Variants in NELL1 observed in about 807,000 individuals in gnomAD.
NELL1 encodes the protein neural EGFL like 1, also known as protein kinase C-binding protein NELL1.
Under a neutral mutation model 107.4 loss-of-function variants are expected in NELL1, and 76 were observed. The observed-to-expected ratio is 0.71, with a 90% CI of 0.59 to 0.86. The LOEUF (loss-of-function observed/expected upper bound fraction) is 0.86. Among genes scored for constraint, NELL1 ranks in the 40% least tolerant of loss-of-function variants. The probability of loss-of-function intolerance (pLI) is 0.00; values close to 1 mark genes in which losing one functional copy is unlikely to be tolerated. For synonymous variants in NELL1, 353 were observed against 341.2 expected (o/e 1.03, Z -0.38); for missense variants, 1,024 against 1,005.5 (o/e 1.02, Z -0.25).
At chr11:21,242,679 A>G (rs1319230813) in intron 14 of NELL1, among the ~76,000 whole-genome samples, 2 of 150,190 alleles carry the variant, frequency 1.3e-5, no homozygotes, top group Admixed American at 1.3e-4. Flanking sequence ...GAATATCCAG[A>G]GTTTAAATAA....
intron 12 of NELL1, among the ~76,000 whole-genome samples, chr11:21,050,975 C>A (rs1344568133): frequency 6.6e-6 from 1 of 152,114 alleles, no homozygotes; most frequent in African/African-American, 2.4e-5. Flanking sequence ...GGGTCAGGAG[C>A]CTCATATAGA....
chr11:20,891,130 C>A (rs1266011024), intron 5 of NELL1, among the ~76,000 whole-genome samples: 2 of 152,176 alleles, frequency 1.3e-5, no homozygotes, highest in East Asian at 3.9e-4. Flanking sequence ...AAGTCACCTA[C>A]AAAGGGAAGC....
intron 11 of NELL1, among the ~76,000 whole-genome samples, chr11:20,959,655 A>G (rs1052865808): frequency 6.6e-6 from 1 of 152,166 alleles, no homozygotes; most frequent in African/African-American, 2.4e-5. Context: ...CATAGACTTT[A>G]GGAATTTAGG....
rs1857201447 is a variant in NELL1, at chr11:21,575,643, T to C, written c.*621T>C. 6.6e-6 allele frequency: 1 copy of C among 151,738 alleles called. No homozygotes were observed. Among genetic ancestry groups the C allele is most frequent in the South Asian group, 2.1e-4 (1 of 4,816 alleles). The allele number at this position is 151,738 out of a possible 1,614,324, so 9.4% of individuals were successfully genotyped here. A position where few individuals can be genotyped will look rare whatever the true frequency, so the allele number is the denominator to read the frequency against. ...AAGAGGGGAAGGGCCAAAAACATAA[T>C]CAAAGAATAATTTTAAAGAGAATTC... is the stretch of plus-strand genomic sequence containing the variant. On this transcript the variant is annotated 3_prime_UTR_variant, in exon 20 of 20. Coordinates refer to ENST00000357134, the MANE Select transcript of NELL1 (RefSeq NM_006157.5).
intron 2 of NELL1, among the ~76,000 whole-genome samples, chr11:20,724,419 G>T (rs1271770563): frequency 6.6e-6 from 1 of 152,068 alleles, no homozygotes; most frequent in African/African-American, 2.4e-5. Flanking sequence ...AATAAGACAG[G>T]TCACCTCTTA....
chr11:20,980,267 A>G (rs1851723504), intron 12 of NELL1, among the ~76,000 whole-genome samples: 1 of 152,158 alleles, frequency 6.6e-6, no homozygotes, highest in Non-Finnish European at 1.5e-5. Flanking sequence ...GTTTACGTAT[A>G]TTATTTTATT....
intron 4 of NELL1, among the ~76,000 whole-genome samples, chr11:20,852,082 C>T (rs1283706971): frequency 9.2e-5 from 14 of 152,208 alleles, no homozygotes; most frequent in African/African-American, 3.4e-4. Context: ...CATCCCTACC[C>T]TGTGTTAACC....
intron 12 of NELL1, among the ~76,000 whole-genome samples, chr11:21,046,252 A>T (rs1220200203): frequency 6.6e-6 from 1 of 152,208 alleles, no homozygotes; most frequent in Non-Finnish European, 1.5e-5. Flanking sequence ...CTAAGAGTAC[A>T]CTTCTTATTC....
intron 2 of NELL1, among the ~76,000 whole-genome samples, chr11:20,775,484 TC>T (rs1856733207): frequency 3.0e-4 from 1 of 3,382 alleles, no homozygotes; most frequent in Non-Finnish European, 0.011. Context: ...TTTTCACCAC[TC>T]TTTTTGCTTT....
At chr11:20,708,707 G>C (rs768908251) in intron 2 of NELL1, among the ~76,000 whole-genome samples, 1 of 152,032 alleles carries the variant, frequency 6.6e-6, no homozygotes, top group African/African-American at 2.4e-5. Flanking sequence ...TTCTTTTGCT[G>C]TGCAGAAGTT....
At chr11:20,806,762 CT>C (rs1235109097) in intron 3 of NELL1, among the ~76,000 whole-genome samples, 1 of 152,108 alleles carries the variant, frequency 6.6e-6, no homozygotes, top group East Asian at 1.9e-4. Flanking sequence ...TCCTCTGGCT[CT>C]GTCTTTTCAA....
chr11:20,678,630 TCAG>T (rs1488111705), intron 2 of NELL1, among the ~76,000 whole-genome samples: 1 of 152,198 alleles, frequency 6.6e-6, no homozygotes, highest in Non-Finnish European at 1.5e-5. Flanking sequence ...GAATAAGGCA[TCAG>T]CAGATTTGGT....
intron 3 of NELL1, among the ~76,000 whole-genome samples, chr11:20,797,563 C>G (rs942914050): frequency 4.0e-5 from 2 of 49,660 alleles, no homozygotes; most frequent in Non-Finnish European, 3.7e-5. Context: ...GAGACTCCAT[C>G]TCAAAAAAAA....
At position 21,415,348 on chromosome 11, in the gene NELL1, T is replaced by C. The variant is rs16908068; in HGVS notation, c.1645+44400T>C. ...GCCAGTTGCCTTGGAGGAAAACTAG[T>C]GATTTAGGCAGGGTAGGGTAAATGC... is the stretch of plus-strand genomic sequence containing the variant. On this transcript the variant is annotated intron_variant, in intron 15 of 19. Transcript: ENST00000357134. 0.017 allele frequency among the ~76,000 whole-genome samples: 2,657 copies of C among 152,104 alleles called. 278 individuals carry two copies. In the East Asian group the frequency reaches 0.29, roughly 17 times the overall value.
chr11:20,692,660 A>G (rs2133868546), intron 2 of NELL1, among the ~76,000 whole-genome samples: 1 of 151,842 alleles, frequency 6.6e-6, no homozygotes, highest in African/African-American at 2.4e-5. Flanking sequence ...ACAGTTTGTT[A>G]TAGTTTCTGT....
At chr11:20,796,201 A>T (rs77165070) in intron 3 of NELL1, among the ~76,000 whole-genome samples, 5,125 of 152,268 alleles carry the variant, frequency 0.034, 283 homozygotes, top group African/African-American at 0.12. Context: ...TCACATCAAG[A>T]TGTTGTTATA....
intron 15 of NELL1, among the ~76,000 whole-genome samples, chr11:21,379,125 C>T (rs951287669): frequency 6.6e-6 from 1 of 152,006 alleles, no homozygotes; most frequent in Non-Finnish European, 1.5e-5. Flanking sequence ...GTGGTACAGA[C>T]AAGCCTGCCA....
intron 13 of NELL1, among the ~76,000 whole-genome samples, chr11:21,165,758 CT>C (rs34509347): frequency 0.26 from 25,913 of 98,440 alleles, 1,872 homozygotes; most frequent in African/African-American, 0.31. Context: ...ACAATGAGAT[CT>C]TTTTTTTTTT....
intron 17 of NELL1, among the ~76,000 whole-genome samples, chr11:21,570,170 A>C (rs75491195): frequency 0.12 from 18,408 of 151,688 alleles, 3,044 homozygotes; most frequent in African/African-American, 0.38. Flanking sequence ...CTTATTATAC[A>C]CCCCTGTAGT....
Sources: allele counts gnomAD v4.1 joint callset (sites outside exome capture counted in the v4.1 genomes callset), GRCh38; gene constraint gnomAD v4.1.1; transcripts MANE v1.5; gene names NCBI Gene and HGNC (gene_info 2026-07-23, HGNC 2026-07-21).